SGCZ: variants seen among roughly 807,000 people sequenced by gnomAD.
SGCZ encodes sarcoglycan zeta, also known as zeta-sarcoglycan.
Under a neutral mutation model 41.3 loss-of-function variants are expected in SGCZ, and 40 were observed. The ratio of observed to expected loss-of-function variants is 0.97; its 90% CI spans 0.75 to 1.26. The LOEUF (loss-of-function observed/expected upper bound fraction) is 1.26. Among genes scored for constraint, SGCZ ranks in the 50% most tolerant of loss-of-function variants. The pLI is 0.00. For synonymous variants in SGCZ, 206 were observed against 137.5 expected, an observed-to-expected ratio of 1.50 and a Z score of -3.49; for missense variants, 552 against 369.8, an observed-to-expected ratio of 1.49 and a Z score of -4.04.
chr8:15,234,181 G>A (rs998512188), intron 1 of SGCZ, among the ~76,000 whole-genome samples: 2 of 152,128 alleles, frequency 1.3e-5, no homozygotes, highest in Non-Finnish European at 2.9e-5. Flanking sequence ...AAGATCAGTT[G>A]TTTAAAAGAG....
At chr8:14,440,829 ATACATATATGTG>A (rs1004248044) in intron 2 of SGCZ, among the ~76,000 whole-genome samples, 2 of 148,700 alleles carry the variant, frequency 1.3e-5, no homozygotes, top group Non-Finnish European at 3.0e-5. Context: ...GCATATATAC[ATACATATATGTG>A]TACATATATG....
At chr8:15,156,432 A>G (rs1202471020) in intron 1 of SGCZ, among the ~76,000 whole-genome samples, 1 of 152,218 alleles carries the variant, frequency 6.6e-6, no homozygotes, top group Non-Finnish European at 1.5e-5. Context: ...GACTCATTTT[A>G]TCAGCATGGT....
intron 2 of SGCZ, among the ~76,000 whole-genome samples, chr8:14,409,363 A>T (rs1165321943): frequency 6.6e-6 from 1 of 152,132 alleles, no homozygotes; most frequent in Admixed American, 6.6e-5. Flanking sequence ...TAAAAAACTT[A>T]AAAAATGTAG....
intron 1 of SGCZ, among the ~76,000 whole-genome samples, chr8:15,106,157 T>C (rs1458465813): frequency 6.6e-6 from 1 of 152,168 alleles, no homozygotes; most frequent in Non-Finnish European, 1.5e-5. Context: ...TGTTTATTTT[T>C]CCACATGAAC....
chr8:14,111,976 T>C (rs1007133107), intron 5 of SGCZ, among the ~76,000 whole-genome samples: 3 of 152,188 alleles, frequency 2.0e-5, no homozygotes, highest in African/African-American at 4.8e-5. Context: ...TTCTAAATGC[T>C]ATCTATACTA....
chr8:14,458,356 A>T (rs1365460223), intron 2 of SGCZ, among the ~76,000 whole-genome samples: 1 of 152,212 alleles, frequency 6.6e-6, no homozygotes, highest in Non-Finnish European at 1.5e-5. Flanking sequence ...AAAGACAAAA[A>T]TGACCGTAAA....
intron 1 of SGCZ, among the ~76,000 whole-genome samples, chr8:15,073,900 C>T (rs551754992): frequency 6.6e-6 from 1 of 152,158 alleles, no homozygotes; most frequent in Non-Finnish European, 1.5e-5. Context: ...GTATGTTTTA[C>T]ATCAACAGCC....
In SGCZ at chr8:14,191,863, C is replaced by T. The variant is rs1585217316; in HGVS notation, c.425-27161G>A. ...TCTTTTAGCTAGTAATGACTGGACT[C>T]CATATCCTGTAGGATTCCTCAACCT... On this transcript the variant is annotated intron_variant, in intron 4 of 7. Transcript: ENST00000382080. Among the ~76,000 whole-genome samples, 5 of 152,096 alleles carry T rather than the reference C, an allele frequency of 3.3e-5. No homozygotes were observed. In the South Asian group the frequency reaches 1.0e-3, roughly 32 times the overall value.
rs1563339545 is a variant in SGCZ, at chr8:14,453,522, C to A, written c.234+101210G>T. 3.9e-5 allele frequency among the ~76,000 whole-genome samples: 6 copies of A among 152,156 alleles called. No homozygotes were observed. In the South Asian group the frequency reaches 1.2e-3, roughly 32 times the overall value. On this transcript the variant is annotated intron_variant, in intron 2 of 7. Coordinates refer to ENST00000382080, the MANE Select transcript of SGCZ (RefSeq NM_139167.4). Reference sequence around the variant, plus strand: ...AACTAAAAGATTGACATAAAATCTGCCTGCAGGGAGAAGAAAAAGAAGCCC... The same window carrying A: ...AACTAAAAGATTGACATAAAATCTGACTGCAGGGAGAAGAAAAAGAAGCCC...
At chr8:14,232,149 A>G (rs1038888096) in intron 4 of SGCZ, among the ~76,000 whole-genome samples, 3 of 151,722 alleles carry the variant, frequency 2.0e-5, no homozygotes, top group Admixed American at 2.0e-4. Flanking sequence ...ATATATATAC[A>G]TATATATTTA....
Position 14,442,180 on chromosome 8 carries a change from T to C in SGCZ, c.234+112552A>G, listed in dbSNP as rs192999645. Among the ~76,000 whole-genome samples the C allele has an allele frequency of 4.7e-4, 71 of 152,310 alleles. 1 individual carries two copies. In the East Asian group the frequency reaches 0.013, roughly 27 times the overall value. ...GCTGTGTCACTACCCAAATCTCAGA[T>C]TGTAGCTCACAAAATTCCCATGTGT... is the stretch of plus-strand genomic sequence containing the variant. On this transcript the variant is annotated intron_variant, in intron 2 of 7. Coordinates refer to ENST00000382080, the MANE Select transcript of SGCZ (RefSeq NM_139167.4).
intron 3 of SGCZ, among the ~76,000 whole-genome samples, chr8:14,245,197 T>C (rs1799040953): frequency 6.6e-6 from 1 of 152,110 alleles, no homozygotes. Context: ...TGCTTCCAGT[T>C]TTTGCCCATT....
rs34449325 is a variant in SGCZ at position 14,813,349 on chromosome 8, G to T, written c.40-258423C>A. On this transcript the variant is annotated intron_variant, in intron 1 of 7. Coordinates refer to ENST00000382080, the MANE Select transcript of SGCZ (RefSeq NM_139167.4). ...AGAAAAATAAATCTGAATGTTAATT[G>T]ACCCACTTAGAGATGAAACAAAACA... is the stretch of plus-strand genomic sequence containing the variant. 8.8e-3 allele frequency among the ~76,000 whole-genome samples: 1,341 copies of T among 152,104 alleles called. 13 individuals carry two copies. The highest frequency in any genetic ancestry group is 0.014 in the Non-Finnish European group (937 of 68,014).
chr8:14,790,767 T>C (rs1006541074), intron 1 of SGCZ, among the ~76,000 whole-genome samples: 1 of 152,060 alleles, frequency 6.6e-6, no homozygotes, highest in Non-Finnish European at 1.5e-5. Flanking sequence ...ACGTTGGCTA[T>C]CGCCTATAAT....
intron 3 of SGCZ, among the ~76,000 whole-genome samples, chr8:14,298,880 T>C (rs190837609): frequency 4.6e-5 from 7 of 152,062 alleles, no homozygotes; most frequent in African/African-American, 1.7e-4. Flanking sequence ...CTAGAACAGT[T>C]CAAACAGTCT....
At chr8:14,372,731 G>A (rs1423416298) in intron 2 of SGCZ, among the ~76,000 whole-genome samples, 1 of 152,104 alleles carries the variant, frequency 6.6e-6, no homozygotes, top group Admixed American at 6.6e-5. Context: ...CGAAGACTCA[G>A]ATACAGCAGC....
intron 5 of SGCZ, among the ~76,000 whole-genome samples, chr8:14,123,602 T>C (rs1802765036): frequency 6.6e-6 from 1 of 152,192 alleles, no homozygotes; most frequent in African/African-American, 2.4e-5. Flanking sequence ...TATTTCTCTG[T>C]AGCAATGCAA....
chr8:14,851,541 T>G (rs1803325385), intron 1 of SGCZ, among the ~76,000 whole-genome samples: 1 of 152,262 alleles, frequency 6.6e-6, no homozygotes, highest in Middle Eastern at 3.4e-3. Flanking sequence ...CAAGCCTTTG[T>G]AAATAATGAG....
intron 2 of SGCZ, among the ~76,000 whole-genome samples, chr8:14,388,505 T>C (rs1044031477): frequency 3.9e-5 from 6 of 152,108 alleles, no homozygotes; most frequent in Admixed American, 2.6e-4. Flanking sequence ...AAAATAAATA[T>C]GCACATACAC....
Sources: gnomAD v4.1 joint callset for allele counts (sites outside exome capture counted in the v4.1 genomes callset) on GRCh38, gnomAD v4.1.1 for gene constraint, MANE v1.5 for transcripts, NCBI Gene and HGNC (gene_info 2026-07-23, HGNC 2026-07-21) for gene names.